The following OSBPL5 variants were observed in gnomAD, a reference collection of about 807,000 sequenced individuals.
OSBPL5 encodes oxysterol binding protein like 5.
A neutral mutation model predicts 111.2 loss-of-function variants in OSBPL5; 71 were observed. The observed-to-expected ratio is 0.64, with a 90% CI of 0.53 to 0.78. The LOEUF is 0.78. Among genes scored for constraint, OSBPL5 ranks in the 30% least tolerant of loss-of-function variants. OSBPL5 has a pLI of 0.00. For missense variants in OSBPL5, 1,210 were observed against 1,189.3 expected, an observed-to-expected ratio of 1.02 and a Z score of -0.26; for synonymous variants, 549 against 513.9, an observed-to-expected ratio of 1.07 and a Z score of -0.93.
intron 6 of OSBPL5, among the ~76,000 whole-genome samples, chr11:3,120,198 G>A (rs1858353961): frequency 6.6e-6 from 1 of 152,206 alleles, no homozygotes; most frequent in Non-Finnish European, 1.5e-5. Context: ...GGGCTGGGGT[G>A]ACCTTGATGC....
intron 7 of OSBPL5, among the ~76,000 whole-genome samples, chr11:3,114,074 T>G (rs2134442708): frequency 6.6e-6 from 1 of 152,328 alleles, no homozygotes; most frequent in South Asian, 2.1e-4. Context: ...AATTTAAAGT[T>G]AGATTAAATA....
chr11:3,143,085 G>T lies in OSBPL5; in HGVS notation c.-21-13916C>A, dbSNP rs1220988407. 9.9e-5 allele frequency among the ~76,000 whole-genome samples: 6 copies of T among 60,682 alleles called. No individual in the cohort carries two copies. In the East Asian group the frequency reaches 2.2e-3, roughly 22 times the overall value. 39.8% of individuals were successfully genotyped at this position (60,682 alleles called of 152,430 possible). A position where few individuals can be genotyped will look rare whatever the true frequency, so the allele number is the denominator to read the frequency against. On this transcript the variant is annotated intron_variant, in intron 1 of 21. Transcript: ENST00000263650. ...CGGGGCAGAGGAGGCAGGTGCAGAGGGGGGCAGAGGAGGCAGGTGCAGAGC... is the reference window on the plus strand; with the variant it reads ...CGGGGCAGAGGAGGCAGGTGCAGAGTGGGGCAGAGGAGGCAGGTGCAGAGC...
At chr11:3,143,714 T>G (rs1846230383) in intron 1 of OSBPL5, among the ~76,000 whole-genome samples, 1 of 152,192 alleles carries the variant, frequency 6.6e-6, no homozygotes, top group Admixed American at 6.5e-5. Context: ...CTGTCCCGGT[T>G]TCCTGGGGCT....
Position 3,092,404 on chromosome 11 carries a change from C to A in OSBPL5, c.2259+28G>T, listed in dbSNP as rs778029339. 5.8e-6 allele frequency: 9 copies of A among 1,557,320 alleles called. No individual in the cohort carries two copies. Among genetic ancestry groups the A allele is most frequent in the Admixed American group, 1.8e-5 (1 of 54,550 alleles). On this transcript the variant is annotated intron_variant, in intron 19 of 21. Coordinates refer to ENST00000263650, the MANE Select transcript of OSBPL5 (RefSeq NM_020896.4). The surrounding 1 kb of genome is among the most constrained non-coding windows in gnomAD (Gnocchi z 5.4). ...TGGCCACACGTGCAGCTAAGACCAG[C>A]CCTGGGTGGGGCCTGTGGGGTGCTG...
chr11:3,102,034 C>T (rs1327919683), intron 12 of OSBPL5, 149 bp downstream of exon 12: 2 of 742,010 alleles, frequency 2.7e-6, no homozygotes, highest in Admixed American at 2.6e-5. Context: ...GCTGGGTCCA[C>T]AGCCCTTCCG....
Position 3,104,184 on chromosome 11 carries a change from G to A in OSBPL5, c.1244+9C>T. On this transcript the variant is annotated intron_variant, in intron 10 of 21. Coordinates refer to ENST00000263650, the MANE Select transcript of OSBPL5 (RefSeq NM_020896.4). This position sits in a 1 kb window ranked among gnomAD's most constrained non-coding sequence, Gnocchi z 5.0. Reference sequence around the variant, plus strand: ...AGGTGTGGGGTGCCCCTCCCGGCATGGCGCGCACCTGGAGAGCAGGTCTGC... The same window carrying A: ...AGGTGTGGGGTGCCCCTCCCGGCATAGCGCGCACCTGGAGAGCAGGTCTGC... 1 of 1,595,208 alleles carries A rather than the reference G, an allele frequency of 6.3e-7. No individual in the cohort carries two copies. The highest frequency in any genetic ancestry group is 1.1e-5 in the South Asian group (1 of 90,356).
Position 3,089,831 on chromosome 11 carries a change from C to A in OSBPL5, c.2501+15G>T. 1.3e-6 allele frequency: 2 copies of A among 1,552,872 alleles called. No homozygotes were observed. The highest frequency in any genetic ancestry group is 1.7e-6 in the Non-Finnish European group (2 of 1,148,076). ...CTGACCCGGAGTCTGGATGGACACCCTGAGTGTGGCCCACCTGTGCAGCTC... is the reference window on the plus strand; with the variant it reads ...CTGACCCGGAGTCTGGATGGACACCATGAGTGTGGCCCACCTGTGCAGCTC... On this transcript the variant is annotated intron_variant, in intron 21 of 21. Coordinates refer to ENST00000263650, the MANE Select transcript of OSBPL5 (RefSeq NM_020896.4).
At chr11:3,111,989 G>GTA (rs1360134300) in intron 7 of OSBPL5, among the ~76,000 whole-genome samples, 5 of 132,630 alleles carry the variant, frequency 3.8e-5, no homozygotes, top group African/African-American at 1.4e-4. Flanking sequence ...GCGCGCATGT[G>GTA]TGTGCATGTG....
Position 3,110,575 on chromosome 11 carries a change from A to C in OSBPL5, c.692-2630T>G, listed in dbSNP as rs1857888662. Among the ~76,000 whole-genome samples the C allele has an allele frequency of 6.6e-6, 1 of 152,144 alleles. No individual in the cohort carries two copies. The highest frequency in any genetic ancestry group is 2.1e-4 in the South Asian group (1 of 4,826). On this transcript the variant is annotated intron_variant, in intron 7 of 21. Coordinates refer to ENST00000263650, the MANE Select transcript of OSBPL5 (RefSeq NM_020896.4). This position sits in a 1 kb window ranked among gnomAD's most constrained non-coding sequence, Gnocchi z 5.3. Reference sequence around the variant, plus strand: ...CAATGGTGCCTGGTGTGAAAGGAAAATCTTGGGCCCCTCAAATCACTAAGC... The same window carrying C: ...CAATGGTGCCTGGTGTGAAAGGAAACTCTTGGGCCCCTCAAATCACTAAGC...
chr11:3,092,446 C>A lies in OSBPL5; in HGVS notation c.2245G>T (p.Gly749Trp). 6.3e-7 allele frequency: 1 copy of A among 1,581,184 alleles called. No individual in the cohort carries two copies. Residue 749 changes from glycine to tryptophan, a missense_variant, in exon 19 of 22, where the codon GGG becomes TGG. By Grantham distance (184) the Gly-to-Trp change is radical (BLOSUM62 -2). Coordinates refer to ENST00000263650, the MANE Select transcript of OSBPL5 (RefSeq NM_020896.4). The surrounding 1 kb of genome is among the most constrained non-coding windows in gnomAD (Gnocchi z 5.4). ...GGGGTGCTGACCTCGTGCCTGGGCC[C>A]TGGGCTGCCCAGGAAGGTGGTCTGG... ...ARQTTFLGSP[G>W]PRHERSGPDQ... is the part of the protein sequence containing the mutation.
At position 3,154,953 on chromosome 11, in the gene OSBPL5, A is replaced by G. The variant is rs73414550; in HGVS notation, c.-22+10263T>C. On this transcript the variant is annotated intron_variant, in intron 1 of 21. Coordinates refer to ENST00000263650, the MANE Select transcript of OSBPL5 (RefSeq NM_020896.4). The surrounding 1 kb of genome is among the most constrained non-coding windows in gnomAD (Gnocchi z 4.9). ...AATAAAAAGAGCCCATTAAATTAAA[A>G]CAGGTCATTAGGGTGGGCCCTAGTC... Among the ~76,000 whole-genome samples the G allele has an allele frequency of 0.12, 18,540 of 152,252 alleles. 1,154 individuals are homozygous for G. The highest frequency in any genetic ancestry group is 0.13 in the African/African-American group (5,303 of 41,548).
In OSBPL5 at chr11:3,090,586, G is replaced by T. The variant is rs764853697; in HGVS notation, c.2370C>A (p.Asp790Glu). Residue 790 changes from aspartate to glutamate, a missense_variant, in exon 20 of 22, where the codon GAC becomes GAA. By Grantham distance (45) the Asp-to-Glu change is conservative (BLOSUM62 2). Coordinates refer to ENST00000263650, the MANE Select transcript of OSBPL5 (RefSeq NM_020896.4). ...GGACAAAGTCACCATCCTGCTCCTC[G>T]TCTGAGAGCTCTGGGCAGGACTCAG... ...STPESCPELS[D>E]EEQDGDFVPG... 6.2e-7 allele frequency: 1 copy of T among 1,613,072 alleles called. No individual in the cohort carries two copies. Among genetic ancestry groups the T allele is most frequent in the Non-Finnish European group, 8.5e-7 (1 of 1,179,922 alleles).
At chr11:3,118,321 G>C (rs183066287) in intron 7 of OSBPL5, among the ~76,000 whole-genome samples, 1 of 152,170 alleles carries the variant, frequency 6.6e-6, no homozygotes, top group South Asian at 2.1e-4. Context: ...CTTTGGAGAG[G>C]CTCATCAGAA....
rs963517059 is a variant in OSBPL5 at position 3,154,665 on chromosome 11, C to A, written c.-22+10551G>T. The stretch of plus-strand genomic sequence containing the variant: ...GACGAGACGCCTGGCAGTGCGGGGG[C>A]CCCAGGGTTAGTCTGACTGCTCCAC... On this transcript the variant is annotated intron_variant, in intron 1 of 21. Coordinates refer to ENST00000263650, the MANE Select transcript of OSBPL5 (RefSeq NM_020896.4). The surrounding 1 kb of genome is among the most constrained non-coding windows in gnomAD (Gnocchi z 4.9). 6.6e-6 allele frequency among the ~76,000 whole-genome samples: 1 copy of A among 152,128 alleles called. No homozygotes were observed. The highest frequency in any genetic ancestry group is 2.4e-5 in the African/African-American group (1 of 41,412).
At chr11:3,093,315 G>A in intron 17 of OSBPL5, 1 of 828,892 alleles carries the variant, frequency 1.2e-6, no homozygotes, top group Non-Finnish European at 1.8e-6. Context: ...TGCAGTGAGA[G>A]GTCACGGCAG....
chr11:3,093,073 C>A, intron 17 of OSBPL5, 21 bp from the exon 18 acceptor site: 1 of 1,534,156 alleles, frequency 6.5e-7, no homozygotes. Flanking sequence ...GTGACCCATC[C>A]TGAGCCAGTG....
At chr11:3,111,271 G>A (rs1857917364) in intron 7 of OSBPL5, among the ~76,000 whole-genome samples, 1 of 151,800 alleles carries the variant, frequency 6.6e-6, no homozygotes, top group Non-Finnish European at 1.5e-5. Context: ...AGGAAGGCAA[G>A]TTTTCCCTGC....
At chr11:3,150,047 CACAG>C (rs1422233899) in intron 1 of OSBPL5, among the ~76,000 whole-genome samples, 2 of 152,216 alleles carry the variant, frequency 1.3e-5, no homozygotes, top group African/African-American at 4.8e-5. Context: ...TGCACACACA[CACAG>C]ACACACACGT....
rs553193156 is a variant in OSBPL5, at chr11:3,127,262, G to A, written c.137-707C>T. ...CTGGTGGGCGAGGGTTGACTGCCCC[G>A]GTCCCTGACACTGAGACTCGGAGGG... On this transcript the variant is annotated intron_variant, in intron 2 of 21. Coordinates refer to ENST00000263650, the MANE Select transcript of OSBPL5 (RefSeq NM_020896.4). Among the ~76,000 whole-genome samples, 21 of 152,322 alleles carry A rather than the reference G, an allele frequency of 1.4e-4. No homozygotes were observed. The East Asian group carries it at 3.9e-3, about 28-fold the overall frequency.
Sources: allele counts gnomAD v4.1 joint callset (sites outside exome capture counted in the v4.1 genomes callset), GRCh38; gene constraint gnomAD v4.1.1; non-coding constraint Gnocchi (gnomAD v3.1); transcripts MANE v1.5; gene names NCBI Gene and HGNC (gene_info 2026-07-23, HGNC 2026-07-21).